Variants in CNBD1 observed in about 807,000 individuals in gnomAD.
CNBD1 encodes cyclic nucleotide binding domain containing 1, also known as cyclic nucleotide-binding domain-containing protein 1.
In CNBD1, 71 loss-of-function variants were observed where a neutral mutation model predicts 54.4. The observed-to-expected ratio is 1.30, with a 90% CI of 1.08 to 1.59. The LOEUF (loss-of-function observed/expected upper bound fraction) is 1.59. Among genes scored for constraint, CNBD1 ranks in the 40% most tolerant of loss-of-function variants. CNBD1 has a pLI of 0.00. For synonymous variants in CNBD1, 182 were observed against 170.7 expected (o/e 1.07, Z -0.51); for missense variants, 659 against 518.0 (o/e 1.27, Z -2.64).
At chr8:86,936,363 A>G (rs560541873) in intron 3 of CNBD1, among the ~76,000 whole-genome samples, 2 of 152,294 alleles carry the variant, frequency 1.3e-5, no homozygotes, top group East Asian at 3.9e-4. Context: ...ATTATCACAC[A>G]TACAAGTAAC....
At chr8:86,867,896 G>A (rs1218569712) in intron 1 of CNBD1, among the ~76,000 whole-genome samples, 1 of 152,116 alleles carries the variant, frequency 6.6e-6, no homozygotes, top group East Asian at 1.9e-4. Flanking sequence ...AAAATCAGCA[G>A]CAATTTAGAT....
At chr8:87,389,697 A>G (rs1028434759) in intron 2 of CNBD1, among the ~76,000 whole-genome samples, 6 of 152,216 alleles carry the variant, frequency 3.9e-5, no homozygotes. Context: ...TATAGATTCA[A>G]TGCCATCCCC....
intron 8 of CNBD1, among the ~76,000 whole-genome samples, chr8:87,309,630 G>T (rs1326864309): frequency 1.3e-5 from 2 of 152,060 alleles, no homozygotes; most frequent in African/African-American, 4.8e-5. Context: ...CTGTATATCT[G>T]TAGCTGTGTG....
chr8:87,134,057 T>A lies in CNBD1; in HGVS notation c.432-71936T>A, dbSNP rs1377731575. Reference sequence around the variant, plus strand: ...TTACAGTGTTTGAATTCGAAACATATAATCTTGTTATTGGAAAAAGCATAT... The same window carrying A: ...TTACAGTGTTTGAATTCGAAACATAAAATCTTGTTATTGGAAAAAGCATAT... On this transcript the variant is annotated intron_variant, in intron 4 of 10. Coordinates refer to ENST00000518476, the MANE Select transcript of CNBD1 (RefSeq NM_173538.3). Among the ~76,000 whole-genome samples the A allele has an allele frequency of 5.3e-5, 8 of 152,320 alleles. No individual in the cohort carries two copies. The East Asian group carries it at 1.4e-3, about 26-fold the overall frequency.
intron 6 of CNBD1, among the ~76,000 whole-genome samples, chr8:87,237,553 G>A (rs1261171483): frequency 3.3e-5 from 5 of 152,112 alleles, no homozygotes; most frequent in Admixed American, 3.3e-4. Flanking sequence ...ATTACAATCA[G>A]AAATTCTTAA....
intron 2 of CNBD1, among the ~76,000 whole-genome samples, chr8:87,391,844 T>C (rs2130970103): frequency 6.6e-6 from 1 of 152,162 alleles, no homozygotes; most frequent in East Asian, 1.9e-4. Flanking sequence ...TAATTTGGCC[T>C]TCATAAAAAT....
chr8:87,406,304 T>C (rs1260176718), intron 2 of CNBD1, among the ~76,000 whole-genome samples: 1 of 151,986 alleles, frequency 6.6e-6, no homozygotes, highest in Non-Finnish European at 1.5e-5. Context: ...AAATACCTAA[T>C]AGAAAAAAGC....
chr8:86,900,319 C>T (rs1166911277), intron 2 of CNBD1, among the ~76,000 whole-genome samples: 1 of 152,016 alleles, frequency 6.6e-6, no homozygotes, highest in Non-Finnish European at 1.5e-5. Flanking sequence ...AAAGTTTTTC[C>T]TGAGTCTGTG....
At chr8:87,293,374 T>C (rs1443053168) in intron 8 of CNBD1, among the ~76,000 whole-genome samples, 1 of 151,966 alleles carries the variant, frequency 6.6e-6, no homozygotes, top group African/African-American at 2.4e-5. Context: ...TGAAACCACG[T>C]CTCTGCTAAA....
At chr8:87,008,006 C>A (rs9918887) in intron 4 of CNBD1, among the ~76,000 whole-genome samples, 4,550 of 152,216 alleles carry the variant, frequency 0.03, 234 homozygotes, top group African/African-American at 0.1. Context: ...TTTTTGTCTG[C>A]ATGCTCATAT....
chr8:87,256,413 A>C (rs758934504), intron 6 of CNBD1, among the ~76,000 whole-genome samples: 3 of 152,048 alleles, frequency 2.0e-5, no homozygotes, highest in Non-Finnish European at 4.4e-5. Context: ...AATGTATGTA[A>C]GTATTGAATC....
intron 4 of CNBD1, among the ~76,000 whole-genome samples, chr8:86,944,577 A>G (rs930282551): frequency 4.6e-5 from 7 of 152,234 alleles, no homozygotes; most frequent in Non-Finnish European, 1.0e-4. Context: ...GTATTGCAAC[A>G]TGGTCTGCAA....
intron 4 of CNBD1, among the ~76,000 whole-genome samples, chr8:87,070,143 G>T (rs1268507172): frequency 1.3e-5 from 2 of 152,036 alleles, no homozygotes; most frequent in African/African-American, 4.8e-5. Flanking sequence ...CTTAGTCCTG[G>T]TGAGGAAAGA....
Position 87,264,826 on chromosome 8 carries a change from C to T in CNBD1, c.772-19852C>T, listed in dbSNP as rs577977996. Among the ~76,000 whole-genome samples the T allele has an allele frequency of 8.5e-4, 129 of 152,108 alleles. 1 individual carries two copies. Among genetic ancestry groups the T allele is most frequent in the African/African-American group, 2.7e-3 (112 of 41,472 alleles). ...TTGAGAAGTGTCTGTTCATATCCTT[C>T]GCCCACTTGTTGATGGGGTTGTTTG... On this transcript the variant is annotated intron_variant, in intron 6 of 10. Transcript: ENST00000518476.
At chr8:87,381,472 G>A (rs1041779589) in intron 10 of CNBD1, among the ~76,000 whole-genome samples, 1 of 151,904 alleles carries the variant, frequency 6.6e-6, no homozygotes, top group Non-Finnish European at 1.5e-5. Flanking sequence ...CAGAATGGAA[G>A]TCCCTTAAAC....
chr8:87,030,908 C>T (rs1586209679), intron 4 of CNBD1, among the ~76,000 whole-genome samples: 1 of 67,786 alleles, frequency 1.5e-5, no homozygotes, highest in Admixed American at 1.8e-4. Flanking sequence ...CTCCCCACCT[C>T]CTCCTCCCCC....
chr8:86,979,648 T>C (rs532954782), intron 4 of CNBD1, among the ~76,000 whole-genome samples: 24 of 152,250 alleles, frequency 1.6e-4, no homozygotes. Flanking sequence ...CAAAGAAATA[T>C]TTCTGGATAA....
At chr8:87,372,182 TA>T (rs1417175526) in intron 10 of CNBD1, among the ~76,000 whole-genome samples, 1 of 151,804 alleles carries the variant, frequency 6.6e-6, no homozygotes, top group African/African-American at 2.4e-5. Flanking sequence ...CAAGCATTCT[TA>T]TACACCAATA....
rs13257134 is a variant in CNBD1 at position 87,091,432 on chromosome 8, C to T, written c.432-114561C>T. Among the ~76,000 whole-genome samples, 969 of 152,288 alleles carry T rather than the reference C, an allele frequency of 6.4e-3. 6 individuals are homozygous for T. Among genetic ancestry groups the T allele is most frequent in the Middle Eastern group, 0.031 (9 of 294 alleles). On this transcript the variant is annotated intron_variant, in intron 4 of 10. Transcript: ENST00000518476. The stretch of plus-strand genomic sequence containing the variant: ...ATGGTGAGAATCAGTCATCTGGTTA[C>T]TTCCATCTCTAACATCAACTCCAGA...
Sources: allele counts gnomAD v4.1 joint callset (sites outside exome capture counted in the v4.1 genomes callset), GRCh38; gene constraint gnomAD v4.1.1; transcripts MANE v1.5; gene names NCBI Gene and HGNC (gene_info 2026-07-23, HGNC 2026-07-21).